Variants in CCR3 observed in about 807,000 individuals in gnomAD.
The protein encoded by CCR3 is C-C motif chemokine receptor 3, also known as C-C chemokine receptor type 3.
For missense variants in CCR3, 419 were observed against 437.5 expected (o/e 0.96, Z 0.38); for synonymous variants, 203 against 179.2 (o/e 1.13, Z -1.06).
At chr3:46,219,239 AAAT>A (rs1699807435) in intron 2 of CCR3, among the ~76,000 whole-genome samples, 1 of 152,088 alleles carries the variant, frequency 6.6e-6, no homozygotes, top group Non-Finnish European at 1.5e-5. Flanking sequence ...CAGCTGCAAA[AAAT>A]AATATTATAA....
chr3:46,248,062 A>G (rs992403497), intron 1 of CCR3, among the ~76,000 whole-genome samples: 1 of 151,918 alleles, frequency 6.6e-6, no homozygotes, highest in Non-Finnish European at 1.5e-5. Context: ...CCATCAATAA[A>G]TCAAGCATGA....
intron 2 of CCR3, among the ~76,000 whole-genome samples, chr3:46,225,311 G>C (rs1699882160): frequency 6.6e-6 from 1 of 152,140 alleles, no homozygotes; most frequent in Non-Finnish European, 1.5e-5. Flanking sequence ...AAAAACTTAA[G>C]ATTTAGGCAT....
chr3:46,266,036 A>G lies in CCR3; in HGVS notation c.878A>G (p.His293Arg), dbSNP rs760912873. The change falls in exon 2 of 2, where the codon CAC (histidine) becomes CGC (arginine). Residue 293 changes from histidine (H) to arginine (R), a missense_variant. By Grantham distance (29) the His-to-Arg change is conservative. Transcript: ENST00000395940. The stretch of plus-strand genomic sequence containing the variant: ...GTGACAGAGGTGATCGCCTACTCCC[A>G]CTGCTGCATGAACCCGGTGATCTAC... ...MLVTEVIAYS[H>R]CCMNPVIYAF... The G allele has an allele frequency of 6.2e-7, 1 of 1,614,040 alleles. No individual in the cohort carries two copies. The highest frequency in any genetic ancestry group is 1.1e-5 in the South Asian group (1 of 91,080).
At chr3:46,236,765 A>G (rs1700029276) in intron 2 of CCR3, among the ~76,000 whole-genome samples, 1 of 152,232 alleles carries the variant, frequency 6.6e-6, no homozygotes, top group African/African-American at 2.4e-5. Flanking sequence ...CAGGCTCAGA[A>G]GAGTTCAAAA....
At chr3:46,258,627 T>C (rs778183212) in intron 1 of CCR3, among the ~76,000 whole-genome samples, 9 of 152,196 alleles carry the variant, frequency 5.9e-5, no homozygotes, top group Non-Finnish European at 1.2e-4. Flanking sequence ...TTGCTTTCCT[T>C]TCTGTAGACA....
intron 1 of CCR3, among the ~76,000 whole-genome samples, chr3:46,253,384 C>T (rs1380344227): frequency 6.6e-5 from 10 of 152,078 alleles, no homozygotes; most frequent in Non-Finnish European, 1.5e-4. Context: ...TCTCATCTGC[C>T]CAGCCAGTAT....
intron 1 of CCR3, among the ~76,000 whole-genome samples, chr3:46,253,617 T>A (rs1360263694): frequency 6.6e-6 from 1 of 152,234 alleles, no homozygotes; most frequent in East Asian, 1.9e-4. Flanking sequence ...AAATTAAGAT[T>A]AAATTTAACT....
At chr3:46,220,611 G>A (rs933185385) in intron 2 of CCR3, among the ~76,000 whole-genome samples, 4 of 152,136 alleles carry the variant, frequency 2.6e-5, no homozygotes, top group Admixed American at 6.6e-5. Context: ...GTAAATGTCC[G>A]TCAACTAACG....
intron 1 of CCR3, among the ~76,000 whole-genome samples, chr3:46,248,654 A>G (rs908069084): frequency 6.6e-6 from 1 of 152,182 alleles, no homozygotes; most frequent in Non-Finnish European, 1.5e-5. Context: ...GACTGAAGTA[A>G]TGGGGGCTGT....
chr3:46,256,777 A>G (rs1700434160), intron 1 of CCR3, among the ~76,000 whole-genome samples: 2 of 152,158 alleles, frequency 1.3e-5, no homozygotes, highest in South Asian at 4.1e-4. Flanking sequence ...GTCATCTGAA[A>G]TACTGTGATG....
chr3:46,250,347 G>C (rs1700280919), intron 1 of CCR3, among the ~76,000 whole-genome samples: 1 of 152,002 alleles, frequency 6.6e-6, no homozygotes, highest in Non-Finnish European at 1.5e-5. Context: ...AAGGAGGGGA[G>C]AGGTCAGATG....
At chr3:46,239,077 A>G (rs1004562127), upstream of CCR3, among the ~76,000 whole-genome samples, 1 of 152,192 alleles carries the variant, frequency 6.6e-6, no homozygotes. Context: ...AATGGGTGCA[A>G]GCAAATGACA....
At chr3:46,263,796 C>T (rs1245380934) in intron 1 of CCR3, 2 of 152,734 alleles carry the variant, frequency 1.3e-5, no homozygotes, top group Admixed American at 1.3e-4. Flanking sequence ...AGGACTGGCT[C>T]CATTTCCATC....
In CCR3 at chr3:46,229,714, T is replaced by C. The variant is rs78753555; in HGVS notation, c.-67-12688T>C. ...ACGGACATTAAATTGATGTAGTTTATTATACATACATTATATTGCAATAAG... is the reference window on the plus strand; with the variant it reads ...ACGGACATTAAATTGATGTAGTTTACTATACATACATTATATTGCAATAAG... On this transcript the variant is annotated intron_variant, in intron 2 of 3. Coordinates refer to the CCR3 transcript ENST00000357422. 6.4e-3 allele frequency among the ~76,000 whole-genome samples: 978 copies of C among 152,294 alleles called. 13 individuals are homozygous for C. The highest frequency in any genetic ancestry group is 0.018 in the African/African-American group (740 of 41,552).
At chr3:46,240,227 G>T (rs1700065664), upstream of CCR3, among the ~76,000 whole-genome samples, 1 of 152,212 alleles carries the variant, frequency 6.6e-6, no homozygotes, top group African/African-American at 2.4e-5. Flanking sequence ...GCTCTGCAGG[G>T]CTGGAGCTTC....
intron 2 of CCR3, among the ~76,000 whole-genome samples, chr3:46,230,609 C>T (rs1295805060): frequency 1.3e-5 from 2 of 152,098 alleles, no homozygotes; most frequent in Non-Finnish European, 2.9e-5. Flanking sequence ...AAGAAATGCA[C>T]TCATCTCCCA....
chr3:46,213,212 A>G (rs140422410), intron 2 of CCR3, among the ~76,000 whole-genome samples: 5 of 152,272 alleles, frequency 3.3e-5, no homozygotes, highest in Non-Finnish European at 5.9e-5. Context: ...TCTGTGAGTT[A>G]GATGAATCGT....
At chr3:46,210,758 AC>A (rs1463081479) in exon 2 of CCR3, 3 of 152,376 alleles carry the variant, frequency 2.0e-5, no homozygotes, top group Non-Finnish European at 1.5e-5. Context: ...TCTTCTGGCC[AC>A]ACACTCTCTC....
chr3:46,228,913 G>C (rs949011698), intron 2 of CCR3, among the ~76,000 whole-genome samples: 7 of 152,324 alleles, frequency 4.6e-5, no homozygotes, highest in Admixed American at 2.6e-4. Flanking sequence ...CTTACCATGT[G>C]TGTGTCATTT....
Sources: allele counts gnomAD v4.1 joint callset (sites outside exome capture counted in the v4.1 genomes callset), GRCh38; gene constraint gnomAD v4.1.1; transcripts MANE v1.5; gene names NCBI Gene and HGNC (gene_info 2026-07-23, HGNC 2026-07-21).